Variants in COL12A1 observed in about 807,000 individuals in gnomAD.
COL12A1 encodes collagen alpha-1(XII) chain.
Under a neutral mutation model 349.7 loss-of-function variants are expected in COL12A1, and 114 were observed. That is an observed-to-expected ratio of 0.33 (90% CI 0.28 to 0.38). The LOEUF is 0.38. Ranked by LOEUF, COL12A1 falls within the 10% of genes least tolerant of loss-of-function variation. The pLI is 1.00. For missense variants in COL12A1, 3,284 were observed against 3,756.9 expected (o/e 0.87, Z 3.29); for synonymous variants, 1,369 against 1,329.0 (o/e 1.03, Z -0.66).
intron 5 of COL12A1, among the ~76,000 whole-genome samples, chr6:75,190,476 TA>T (rs1769871691): frequency 6.6e-6 from 1 of 151,982 alleles, no homozygotes; most frequent in Admixed American, 6.6e-5. Flanking sequence ...ATTTGACAAT[TA>T]AAACCTACTT....
chr6:75,176,410 A>G (rs143586753), intron 12 of COL12A1, among the ~76,000 whole-genome samples: 2 of 146,950 alleles, frequency 1.4e-5, no homozygotes, highest in Non-Finnish European at 3.0e-5. Context: ...AGAGTGATGC[A>G]GTGGGAGGAG....
chr6:75,199,453 T>C (rs1488168652), intron 2 of COL12A1, among the ~76,000 whole-genome samples: 1 of 152,200 alleles, frequency 6.6e-6, no homozygotes, highest in Admixed American at 6.5e-5. Flanking sequence ...GAATTGATAA[T>C]ATTCAATTGT....
chr6:75,157,306 A>G (rs898927801), intron 14 of COL12A1, among the ~76,000 whole-genome samples: 1 of 152,140 alleles, frequency 6.6e-6, no homozygotes, highest in Non-Finnish European at 1.5e-5. Flanking sequence ...TCAGTGTTCA[A>G]AAGAACATAA....
intron 16 of COL12A1, 113 bp from the exon 17 acceptor site, chr6:75,154,650 G>C: frequency 9.3e-7 from 1 of 1,070,530 alleles, no homozygotes; most frequent in Non-Finnish European, 1.3e-6. Flanking sequence ...ACACTATGAA[G>C]AGTTTATAGT....
chr6:75,148,582 G>T, intron 21 of COL12A1, 85 bp from the exon 22 acceptor site: 2 of 1,193,300 alleles, frequency 1.7e-6, no homozygotes, highest in South Asian at 1.5e-5. Context: ...ACAATATTAT[G>T]CTCCATATTC....
intron 59 of COL12A1, among the ~76,000 whole-genome samples, chr6:75,097,040 T>C (rs1304511384): frequency 1.3e-5 from 2 of 152,250 alleles, no homozygotes; most frequent in African/African-American, 2.4e-5. Context: ...TCTTTTTCTT[T>C]TTCTCAAGTG....
Position 75,151,070 on chromosome 6 carries a change from A to AC in COL12A1, c.4147+70dup, listed in dbSNP as rs199504286. 5.7e-3 allele frequency: 867 copies of AC among 152,310 alleles called. 8 individuals carry two copies. Among genetic ancestry groups the AC allele is most frequent in the African/African-American group, 0.033 (787 of 23,778 alleles). The allele number at this position is 152,310 out of a possible 1,614,324, so 9.4% of individuals were successfully genotyped here. A position where few individuals can be genotyped will look rare whatever the true frequency, so the allele number is the denominator to read the frequency against. ...TGCACAAAATAGTGCCCTCCCCCCC[A>AC]CCCAAAAGAATAATTATTTGGCCCA... On this transcript the variant is annotated intron_variant, in intron 21 of 65. Transcript: ENST00000322507.
chr6:75,151,869 A>G lies in COL12A1; in HGVS notation c.3998T>C (p.Ile1333Thr). 1.2e-6 allele frequency: 2 copies of G among 1,613,564 alleles called. No individual in the cohort carries two copies. Among genetic ancestry groups the G allele is most frequent in the Non-Finnish European group, 1.7e-6 (2 of 1,179,658 alleles). The change falls in exon 20 of 66, where the codon ATT (isoleucine) becomes ACT (threonine). Residue 1333 changes from isoleucine to threonine, a missense_variant and splice_region_variant. Transcript: ENST00000322507. The part of the protein sequence containing the change: ...LKDEGVELFA[I>T]GIKNADEVEL... ...TCACTGTCCTTTTCAGTGCGTACCA[A>G]TAGCAAACAGCTCCACTCCCTCATC...
chr6:75,197,319 T>C (rs1418319621), intron 2 of COL12A1, among the ~76,000 whole-genome samples: 8 of 151,604 alleles, frequency 5.3e-5, no homozygotes, highest in South Asian at 2.1e-4. Context: ...TTTTCTTTTT[T>C]TTTTTTTTTT....
chr6:75,165,462 G>A (rs200143588), intron 14 of COL12A1, 45 bp downstream of exon 14: 2 of 1,592,762 alleles, frequency 1.3e-6, no homozygotes, highest in African/African-American at 2.7e-5. Context: ...GATAACTATT[G>A]GGTAGCACCG....
At position 75,134,814 on chromosome 6, in the gene COL12A1, T is replaced by A; in HGVS notation, c.5436A>T (p.Lys1812Asn). ...TAGTGTAAGGAGTGTCTGGCTTCAG[T>A]TTCTGCAGGACCACACTGTTCTGCC... ...GGRQNSVVLQ[K>N]LKPDTPYTIT... The change falls in exon 32 of 66, where the codon AAA (lysine) becomes AAT (asparagine). Residue 1812 changes from lysine (K) to asparagine (N), a missense_variant. By Grantham distance (94) the Lys-to-Asn change is moderately conservative (BLOSUM62 0). Around this residue, in one of 2 missense-constraint regions of COL12A1, gnomAD observed 2,601 missense variants for 2,824.8 expected, o/e 0.92. Coordinates refer to ENST00000322507, the MANE Select transcript of COL12A1 (RefSeq NM_004370.6). 6.2e-7 allele frequency: 1 copy of A among 1,613,188 alleles called. No individual in the cohort carries two copies. The highest frequency in any genetic ancestry group is 8.5e-7 in the Non-Finnish European group (1 of 1,179,408).
At chr6:75,181,300 A>G in intron 10 of COL12A1, 89 bp from the exon 11 acceptor site, 1 of 1,311,752 alleles carries the variant, frequency 7.6e-7, no homozygotes, top group Non-Finnish European at 1.0e-6. Context: ...AAAATGGCTT[A>G]CATTAATTTG....
At chr6:75,204,764 G>A (rs895039898) in intron 1 of COL12A1, among the ~76,000 whole-genome samples, 3 of 151,854 alleles carry the variant, frequency 2.0e-5, no homozygotes, top group African/African-American at 7.3e-5. Flanking sequence ...TAACTCCCGC[G>A]TCCAGTTAAA....
intron 26 of COL12A1, 138 bp downstream of exon 26, chr6:75,143,114 A>T: frequency 1.1e-6 from 1 of 943,686 alleles, no homozygotes; most frequent in Non-Finnish European, 1.6e-6. Context: ...CTGCTTTATT[A>T]ATATCACAAG....
chr6:75,182,759 G>A (rs144121719), intron 10 of COL12A1, among the ~76,000 whole-genome samples: 1 of 152,262 alleles, frequency 6.6e-6, no homozygotes, highest in African/African-American at 2.4e-5. Flanking sequence ...GATTGTAAAT[G>A]ACACATACAT....
At chr6:75,191,146 C>T (rs1769907841) in intron 5 of COL12A1, among the ~76,000 whole-genome samples, 1 of 151,942 alleles carries the variant, frequency 6.6e-6, no homozygotes, top group South Asian at 2.1e-4. Flanking sequence ...ATTACAAATG[C>T]ACCAATTTAT....
intron 17 of COL12A1, among the ~76,000 whole-genome samples, chr6:75,153,591 T>C (rs1050773639): frequency 2.0e-5 from 3 of 152,094 alleles, no homozygotes; most frequent in Non-Finnish European, 4.4e-5. Context: ...AGAATACAAA[T>C]GTGTCACTCA....
chr6:75,087,323 G>A, intron 65 of COL12A1: 1 of 424,516 alleles, frequency 2.4e-6, no homozygotes, highest in Non-Finnish European at 4.1e-6. Flanking sequence ...GAAGTCCCAA[G>A]AGAAGTAAGG....
chr6:75,191,915 T>C (rs765902585), intron 4 of COL12A1, among the ~76,000 whole-genome samples, 155 bp from the exon 5 acceptor site: 2 of 152,016 alleles, frequency 1.3e-5, no homozygotes, highest in Non-Finnish European at 2.9e-5. Flanking sequence ...ATCATTCCCT[T>C]ACAAGTAAGT....
Sources: allele counts gnomAD v4.1 joint callset (sites outside exome capture counted in the v4.1 genomes callset), GRCh38; gene constraint gnomAD v4.1.1; regional missense constraint gnomAD v4.1.1; transcripts MANE v1.5; gene names NCBI Gene and HGNC (gene_info 2026-07-23, HGNC 2026-07-21).